The following CSGALNACT1 variants were observed in gnomAD, a reference collection of about 807,000 sequenced individuals.
CSGALNACT1 encodes the protein beta4GalNAcT-1.
CSGALNACT1 carries 52 observed loss-of-function variants against 51.0 expected under a neutral mutation model. The observed-to-expected ratio is 1.02, with a 90% CI of 0.82 to 1.29. The LOEUF (loss-of-function observed/expected upper bound fraction) is 1.29. CSGALNACT1 is among the 50% of genes most tolerant of loss of function. The probability of loss-of-function intolerance (pLI) is 0.00; values close to 1 mark genes in which losing one functional copy is unlikely to be tolerated. For missense variants in CSGALNACT1, 935 were observed against 679.2 expected, an observed-to-expected ratio of 1.38 and a Z score of -4.19; for synonymous variants, 341 against 254.4, an observed-to-expected ratio of 1.34 and a Z score of -3.24.
intron 3 of CSGALNACT1, among the ~76,000 whole-genome samples, chr8:19,564,575 G>A (rs1013534645): frequency 1.3e-5 from 2 of 152,066 alleles, no homozygotes; most frequent in African/African-American, 4.8e-5. Context: ...ACTCATTCTT[G>A]CCTTGGGGAC....
chr8:19,551,153 A>C (rs1430299582), intron 3 of CSGALNACT1, among the ~76,000 whole-genome samples: 1 of 152,240 alleles, frequency 6.6e-6, no homozygotes, highest in Non-Finnish European at 1.5e-5. Flanking sequence ...ACTGAAGAAG[A>C]AAAGAGTATG....
exon 4 of CSGALNACT1, chr8:19,505,726 T>C: frequency 1.9e-6 from 3 of 1,614,140 alleles, no homozygotes; most frequent in Non-Finnish European, 2.5e-6. Context: ...TCGTCACCTT[T>C]TGGGGTGCAG....
chr8:19,500,231 C>T (rs193209875), intron 4 of CSGALNACT1, among the ~76,000 whole-genome samples: 92 of 152,254 alleles, frequency 6.0e-4, no homozygotes, highest in African/African-American at 2.0e-3. Context: ...GCCACCCTTG[C>T]TTCCCTGGGG....
intron 6 of CSGALNACT1, among the ~76,000 whole-genome samples, chr8:19,425,902 C>T (rs892737021): frequency 6.6e-6 from 1 of 152,146 alleles, no homozygotes; most frequent in African/African-American, 2.4e-5. Context: ...AGAATCACCG[C>T]CCCTCCTGTG....
At chr8:19,576,106 C>T (rs2044150477) in intron 3 of CSGALNACT1, among the ~76,000 whole-genome samples, 1 of 152,216 alleles carries the variant, frequency 6.6e-6, no homozygotes. Flanking sequence ...TCTGTGCAGG[C>T]TCCTCTGATG....
chr8:19,600,129 C>T (rs2154143224), intron 2 of CSGALNACT1, among the ~76,000 whole-genome samples: 2 of 152,264 alleles, frequency 1.3e-5, no homozygotes, highest in Admixed American at 1.3e-4. Flanking sequence ...GTTGCCCAGG[C>T]TGGAGTGCAA....
At chr8:19,416,438 TAGTGTC>T (rs1189237435) in intron 8 of CSGALNACT1, among the ~76,000 whole-genome samples, 1 of 152,078 alleles carries the variant, frequency 6.6e-6, no homozygotes, top group African/African-American at 2.4e-5. Flanking sequence ...AAAATAAGTT[TAGTGTC>T]ACCTAAGTCT....
chr8:19,501,950 G>A (rs2076498465), intron 4 of CSGALNACT1, among the ~76,000 whole-genome samples: 1 of 152,180 alleles, frequency 6.6e-6, no homozygotes. Flanking sequence ...ACAAAAATCA[G>A]TGCCAATGGA....
intron 3 of CSGALNACT1, among the ~76,000 whole-genome samples, chr8:19,512,721 A>T (rs1484982359): frequency 1.3e-5 from 2 of 152,168 alleles, no homozygotes; most frequent in East Asian, 3.9e-4. Flanking sequence ...TCGGACTCAA[A>T]CCCATCTTTG....
intron 3 of CSGALNACT1, among the ~76,000 whole-genome samples, chr8:19,563,578 C>G (rs2041264834): frequency 6.6e-6 from 1 of 152,158 alleles, no homozygotes. Flanking sequence ...CTGATGGTCA[C>G]CATCACCGCT....
chr8:19,657,861 G>A (rs1242755368), intron 1 of CSGALNACT1, among the ~76,000 whole-genome samples: 1 of 152,046 alleles, frequency 6.6e-6, no homozygotes, highest in African/African-American at 2.4e-5. Flanking sequence ...GGGTCCAACA[G>A]AGCACCTTGG....
At chr8:19,407,443 C>G (rs991130902) in intron 9 of CSGALNACT1, among the ~76,000 whole-genome samples, 1 of 152,106 alleles carries the variant, frequency 6.6e-6, no homozygotes, top group Non-Finnish European at 1.5e-5. Flanking sequence ...CAGCTGAGCC[C>G]CTGCACCTGA....
intron 3 of CSGALNACT1, among the ~76,000 whole-genome samples, chr8:19,553,814 TC>T (rs2088930330): frequency 6.6e-6 from 1 of 151,268 alleles, no homozygotes; most frequent in African/African-American, 2.4e-5. Context: ...TAATTATTGT[TC>T]TCAGAGAGCT....
intron 1 of CSGALNACT1, among the ~76,000 whole-genome samples, chr8:19,645,976 A>T (rs758245277): frequency 2.6e-5 from 4 of 152,232 alleles, no homozygotes; most frequent in African/African-American, 9.6e-5. Context: ...CCCTCCAAAG[A>T]GAGGGAAAAG....
chr8:19,440,098 A>G (rs951115417), intron 5 of CSGALNACT1, among the ~76,000 whole-genome samples, 167 bp from the exon 5 acceptor site: 1 of 152,208 alleles, frequency 6.6e-6, no homozygotes, highest in African/African-American at 2.4e-5. Context: ...CATTCCAACT[A>G]TCTGTATTTG....
intron 2 of CSGALNACT1, chr8:19,591,421 A>C (rs753115078): frequency 6.6e-6 from 1 of 152,220 alleles, no homozygotes; most frequent in Non-Finnish European, 1.5e-5. Flanking sequence ...GACAAAATAT[A>C]AGTATACTGT....
chr8:19,525,955 A>T (rs553437777), intron 3 of CSGALNACT1, among the ~76,000 whole-genome samples: 2 of 152,332 alleles, frequency 1.3e-5, no homozygotes, highest in East Asian at 3.9e-4. Context: ...AACTAGGTCT[A>T]GTGCGCATTT....
intron 1 of CSGALNACT1, among the ~76,000 whole-genome samples, chr8:19,681,892 T>A (rs369562435): frequency 1.1e-3 from 172 of 152,304 alleles, no homozygotes; most frequent in African/African-American, 4.0e-3. Context: ...CCACCCCACC[T>A]TCTGGGTCAC....
intron 2 of CSGALNACT1, among the ~76,000 whole-genome samples, chr8:19,596,593 G>T (rs368943357): frequency 7.5e-6 from 1 of 133,166 alleles, no homozygotes; most frequent in East Asian, 2.2e-4. Context: ...CAAATTGTAA[G>T]AAAAAAAAAA....
Sources: gnomAD v4.1 joint callset for allele counts (sites outside exome capture counted in the v4.1 genomes callset) on GRCh38, gnomAD v4.1.1 for gene constraint, MANE v1.5 for transcripts, NCBI Gene and HGNC (gene_info 2026-07-23, HGNC 2026-07-21) for gene names.